HS6ST3: variants seen among roughly 807,000 people sequenced by gnomAD.
HS6ST3 encodes the protein heparan-sulfate 6-O-sulfotransferase 3.
HS6ST3 carries 12 observed loss-of-function variants against 36.7 expected under a neutral mutation model. The ratio of observed to expected loss-of-function variants is 0.33; its 90% confidence interval spans 0.21 to 0.53. The LOEUF (loss-of-function observed/expected upper bound fraction) is 0.53, where lower values mean the gene tolerates loss of function less well. Among genes scored for constraint, HS6ST3 ranks in the 20% least tolerant of loss-of-function variants. The probability of loss-of-function intolerance (pLI) is 0.95; values close to 1 mark genes in which losing one functional copy is unlikely to be tolerated. For missense variants in HS6ST3, 584 were observed against 640.9 expected (o/e 0.91, Z 0.96); for synonymous variants, 240 against 257.5 (o/e 0.93, Z 0.65).
intron 1 of HS6ST3, among the ~76,000 whole-genome samples, chr13:96,202,044 G>C (rs886593526): frequency 2.0e-4 from 30 of 152,224 alleles, no homozygotes; most frequent in African/African-American, 7.0e-4. Flanking sequence ...TCTTAATATA[G>C]ATCTGTTTTA....
intron 1 of HS6ST3, chr13:96,169,916 G>C (rs2054179663): frequency 6.6e-6 from 1 of 152,150 alleles, no homozygotes; most frequent in African/African-American, 2.4e-5. Context: ...GGAGAACATG[G>C]CTCAGAAGAA....
At chr13:96,709,413 GT>G (rs1459686081) in intron 1 of HS6ST3, among the ~76,000 whole-genome samples, 9 of 152,090 alleles carry the variant, frequency 5.9e-5, no homozygotes, top group Admixed American at 3.3e-4. Flanking sequence ...TCATCTTTGC[GT>G]CCTGGAGGCT....
At chr13:96,261,259 AAT>A (rs371732169) in intron 1 of HS6ST3, among the ~76,000 whole-genome samples, 47 of 149,698 alleles carry the variant, frequency 3.1e-4, no homozygotes, top group Admixed American at 1.8e-3. Flanking sequence ...TAAAGTCATG[AAT>A]ATATATATAT....
chr13:96,557,295 C>A (rs1191458252), intron 1 of HS6ST3, among the ~76,000 whole-genome samples: 2 of 152,168 alleles, frequency 1.3e-5, no homozygotes, highest in African/African-American at 4.8e-5. Flanking sequence ...AGTGGCACAA[C>A]CAGGTCTGAA....
chr13:96,507,124 G>A (rs757784855), intron 1 of HS6ST3, among the ~76,000 whole-genome samples: 3 of 152,090 alleles, frequency 2.0e-5, no homozygotes, highest in African/African-American at 4.8e-5. Context: ...TACTATTTCC[G>A]TGTGGGAATA....
At chr13:96,416,433 A>G (rs2055533326) in intron 1 of HS6ST3, among the ~76,000 whole-genome samples, 1 of 152,236 alleles carries the variant, frequency 6.6e-6, no homozygotes, top group Non-Finnish European at 1.5e-5. Context: ...CACTAAGCAT[A>G]GGGTTAGGAT....
intron 1 of HS6ST3, among the ~76,000 whole-genome samples, chr13:96,725,827 T>A (rs9556615): frequency 2.6e-4 from 39 of 152,228 alleles, no homozygotes; most frequent in Admixed American, 4.6e-4. Flanking sequence ...GTCTTTTTTT[T>A]AATTTATTTT....
intron 1 of HS6ST3, among the ~76,000 whole-genome samples, chr13:96,135,872 A>G (rs1212732468): frequency 6.6e-6 from 1 of 152,092 alleles, no homozygotes; most frequent in Non-Finnish European, 1.5e-5. Flanking sequence ...TTTATATAGC[A>G]TTTTCACTGA....
intron 1 of HS6ST3, among the ~76,000 whole-genome samples, chr13:96,791,312 A>G (rs576593321): frequency 6.6e-6 from 1 of 152,162 alleles, no homozygotes; most frequent in South Asian, 2.1e-4. Context: ...TCCGTTCTTC[A>G]TGGTCAATAT....
intron 1 of HS6ST3, among the ~76,000 whole-genome samples, chr13:96,343,991 C>T (rs1296285910): frequency 6.6e-6 from 1 of 152,176 alleles, no homozygotes; most frequent in Non-Finnish European, 1.5e-5. Context: ...ATCCGCCTGC[C>T]TCAGCCTTCC....
intron 1 of HS6ST3, among the ~76,000 whole-genome samples, chr13:96,200,527 A>G (rs572951843): frequency 5.3e-5 from 8 of 152,250 alleles, no homozygotes; most frequent in African/African-American, 1.7e-4. Context: ...CTAAAGTTGC[A>G]ACTTGGCCAT....
chr13:96,461,301 T>C lies in HS6ST3; in HGVS notation c.707+369732T>C, dbSNP rs1049083504. 2.8e-4 allele frequency among the ~76,000 whole-genome samples: 42 copies of C among 152,230 alleles called. 1 individual carries two copies. Among genetic ancestry groups the C allele is most frequent in the Admixed American group, 2.6e-3 (40 of 15,274 alleles). On this transcript the variant is annotated intron_variant, in intron 1 of 1. Transcript: ENST00000376705. ...AAACTGACAGTTCAGCAGAAGTGAT[T>C]GACATTTAAGTAAAAATTATAATGT...
intron 1 of HS6ST3, among the ~76,000 whole-genome samples, chr13:96,153,712 A>G (rs1013744420): frequency 6.6e-6 from 1 of 152,254 alleles, no homozygotes; most frequent in Non-Finnish European, 1.5e-5. Flanking sequence ...ATGAAAAATT[A>G]TGTTTCAAAT....
intron 1 of HS6ST3, among the ~76,000 whole-genome samples, chr13:96,710,298 G>T (rs998412266): frequency 1.3e-5 from 2 of 152,242 alleles, no homozygotes; most frequent in African/African-American, 4.8e-5. Context: ...GACCTAGGCT[G>T]CACTGGCCAC....
chr13:96,330,895 T>A (rs1266358652), intron 1 of HS6ST3, among the ~76,000 whole-genome samples: 1 of 150,582 alleles, frequency 6.6e-6, no homozygotes, highest in Non-Finnish European at 1.5e-5. Flanking sequence ...TTTATTCTTT[T>A]TTCTCTAAAC....
In HS6ST3 at chr13:96,468,612, G is replaced by A. The variant is rs182517320; in HGVS notation, c.708-363878G>A. ...GTTGCAGGGCTGTGGTTGAATTATAGTTCCCACTGCAAGTTTAAGTCCACC... is the reference window on the plus strand; with the variant it reads ...GTTGCAGGGCTGTGGTTGAATTATAATTCCCACTGCAAGTTTAAGTCCACC... On this transcript the variant is annotated intron_variant, in intron 1 of 1. Transcript: ENST00000376705. Among the ~76,000 whole-genome samples the A allele has an allele frequency of 1.5e-3, 229 of 152,140 alleles. 1 individual carries two copies. The Middle Eastern group carries it at 0.017, about 11-fold the overall frequency.
chr13:96,763,816 A>G (rs1877029016), intron 1 of HS6ST3, among the ~76,000 whole-genome samples: 2 of 152,172 alleles, frequency 1.3e-5, no homozygotes, highest in African/African-American at 4.8e-5. Flanking sequence ...CATCCTAACT[A>G]GATAAAATAA....
intron 1 of HS6ST3, among the ~76,000 whole-genome samples, chr13:96,475,612 C>CAAAAAAAAAA (rs1251970502): frequency 9.8e-5 from 9 of 91,536 alleles, no homozygotes; most frequent in Admixed American, 1.2e-4. Flanking sequence ...GGAGTACTAC[C>CAAAAAAAAAA]AAAAAAAAAA....
At chr13:96,108,959 C>G (rs1156571077) in intron 1 of HS6ST3, among the ~76,000 whole-genome samples, 1 of 147,616 alleles carries the variant, frequency 6.8e-6, no homozygotes, top group African/African-American at 2.6e-5. Context: ...ACTCCTATCT[C>G]TATCTCTATC....
Sources: allele counts gnomAD v4.1 joint callset (sites outside exome capture counted in the v4.1 genomes callset), GRCh38; gene constraint gnomAD v4.1.1; transcripts MANE v1.5; gene names NCBI Gene and HGNC (gene_info 2026-07-23, HGNC 2026-07-21).